Variants in MAGI2 observed in about 807,000 individuals in gnomAD.
The protein encoded by MAGI2 is membrane-associated guanylate kinase, WW and PDZ domain-containing protein 2.
A neutral mutation model predicts 133.3 loss-of-function variants in MAGI2; 35 were observed. That is an observed-to-expected ratio of 0.26 (90% confidence interval 0.20 to 0.35). MAGI2 has a LOEUF of 0.35. MAGI2 is among the 10% of genes least tolerant of loss of function. The probability of loss-of-function intolerance (pLI) is 1.00; values close to 1 mark genes in which losing one functional copy is unlikely to be tolerated. For missense variants in MAGI2, 1,636 were observed against 1,863.4 expected (o/e 0.88, Z 2.25); for synonymous variants, 729 against 710.6 (o/e 1.03, Z -0.41).
At position 78,208,135 on chromosome 7, in the gene MAGI2, C is replaced by CTTTTTTT. The variant is rs71085515; in HGVS notation, c.2048-6949_2048-6943dup. Among the ~76,000 whole-genome samples the CTTTTTTT allele has an allele frequency of 4.3e-5, 5 of 115,598 alleles. 1 individual carries two copies. Among genetic ancestry groups the CTTTTTTT allele is most frequent in the East Asian group, 5.7e-4 (2 of 3,512 alleles). The allele number at this position is 115,598 out of a possible 152,430, so 75.8% of individuals were successfully genotyped here. ...CATCCACCTCGGCCTCCCAAAGTGGCTTTTTTTTTTTTTTTTTTTTAATAT... is the reference window on the plus strand; with the variant it reads ...CATCCACCTCGGCCTCCCAAAGTGGCTTTTTTTTTTTTTTTTTTTTTTTTTTTAATAT... On this transcript the variant is annotated intron_variant, in intron 10 of 21. Transcript: ENST00000354212.
intron 6 of MAGI2, among the ~76,000 whole-genome samples, chr7:78,405,224 G>A (rs765086826): frequency 6.6e-6 from 1 of 152,002 alleles, no homozygotes; most frequent in Non-Finnish European, 1.5e-5. Flanking sequence ...TACTATTTCT[G>A]TCCTCAAATT....
intron 9 of MAGI2, among the ~76,000 whole-genome samples, chr7:78,317,090 A>G (rs565695056): frequency 3.4e-4 from 52 of 152,352 alleles, no homozygotes; most frequent in African/African-American, 1.2e-3. Context: ...TTGGAATTGA[A>G]TAGCGCTGCA....
At chr7:79,279,924 G>A (rs1835501217) in intron 1 of MAGI2, among the ~76,000 whole-genome samples, 1 of 152,126 alleles carries the variant, frequency 6.6e-6, no homozygotes, top group Admixed American at 6.6e-5. Flanking sequence ...TCAAATAAAT[G>A]CAACCAATAT....
In MAGI2 at chr7:78,529,667, G is replaced by GTTTTTTT. The variant is rs1563128653; in HGVS notation, c.539-8023_539-8022insAAAAAAA. On this transcript the variant is annotated intron_variant, in intron 3 of 21. Transcript: ENST00000354212. ...TTTTCTTTTCCTTGCTAAAGGAGAT[G>GTTTTTTT]GTTTTTTTTTTTTTTTTTTTTTTTT... 1.3e-3 allele frequency among the ~76,000 whole-genome samples: 75 copies of GTTTTTTT among 56,318 alleles called. 1 individual carries two copies. Among genetic ancestry groups the GTTTTTTT allele is most frequent in the African/African-American group, 4.5e-3 (70 of 15,430 alleles). 36.9% of individuals were successfully genotyped at this position (56,318 alleles called of 152,430 possible). A position where few individuals can be genotyped will look rare whatever the true frequency, so the allele number is the denominator to read the frequency against.
intron 1 of MAGI2, among the ~76,000 whole-genome samples, chr7:79,450,819 A>G (rs910900361): frequency 6.6e-6 from 1 of 152,184 alleles, no homozygotes; most frequent in Non-Finnish European, 1.5e-5. Flanking sequence ...ACCCACAATG[A>G]TGGGAACTTC....
At chr7:78,435,978 G>A (rs780986474) in intron 6 of MAGI2, among the ~76,000 whole-genome samples, 1 of 152,156 alleles carries the variant, frequency 6.6e-6, no homozygotes, top group Non-Finnish European at 1.5e-5. Flanking sequence ...GGGAAACAGG[G>A]AAATGCCATT....
intron 2 of MAGI2, among the ~76,000 whole-genome samples, chr7:78,977,588 T>C (rs1804404918): frequency 1.3e-5 from 2 of 151,710 alleles, no homozygotes; most frequent in African/African-American, 4.8e-5. Flanking sequence ...TAAAAAACTA[T>C]AAAATTTATT....
At chr7:78,449,363 GA>G (rs1414922658) in intron 6 of MAGI2, among the ~76,000 whole-genome samples, 1 of 151,914 alleles carries the variant, frequency 6.6e-6, no homozygotes, top group African/African-American at 2.4e-5. Flanking sequence ...TATTTTCTTT[GA>G]ATTGATCCAC....
intron 1 of MAGI2, among the ~76,000 whole-genome samples, chr7:79,016,922 C>T (rs1290892367): frequency 6.6e-6 from 1 of 152,252 alleles, no homozygotes. Flanking sequence ...CTGCCAGTGC[C>T]ACATCCCTAT....
At chr7:78,181,729 A>G (rs1263043057) in intron 13 of MAGI2, among the ~76,000 whole-genome samples, 2 of 152,224 alleles carry the variant, frequency 1.3e-5, no homozygotes, top group African/African-American at 4.8e-5. Context: ...CTGGGCTCAC[A>G]CCAATATTGC....
At chr7:79,286,449 C>A (rs78405961) in intron 1 of MAGI2, among the ~76,000 whole-genome samples, 3,215 of 152,026 alleles carry the variant, frequency 0.021, 128 homozygotes, top group African/African-American at 0.073. Flanking sequence ...CACTCCACGG[C>A]ACTTGCTCTC....
chr7:78,826,223 A>G lies in MAGI2; in HGVS notation c.418+180867T>C, dbSNP rs376263302. 1.3e-3 allele frequency among the ~76,000 whole-genome samples: 195 copies of G among 151,872 alleles called. 1 individual carries two copies. The highest frequency in any genetic ancestry group is 3.9e-3 in the East Asian group (20 of 5,124). On this transcript the variant is annotated intron_variant, in intron 2 of 21. Transcript: ENST00000354212. Reference sequence around the variant, plus strand: ...AAAAAAATTAGCCAGGTGTGGTGGCAGGCGCCTGTAGTCCCAGCTATTCAG... The same window carrying G: ...AAAAAAATTAGCCAGGTGTGGTGGCGGGCGCCTGTAGTCCCAGCTATTCAG...
Position 78,185,659 on chromosome 7 carries a change from G to A in MAGI2, c.2281C>T (p.Pro761Ser), listed in dbSNP as rs1166307816. 1.3e-6 allele frequency: 2 copies of A among 1,585,266 alleles called. No individual in the cohort carries two copies. Among genetic ancestry groups the A allele is most frequent in the Non-Finnish European group, 8.6e-7 (1 of 1,160,370 alleles). ...GAATCCATTCGAAAACTGGTCCTGGGTGGCACTTGTTCTGGATGGGAAAAT... is the reference window on the plus strand; with the variant it reads ...GAATCCATTCGAAAACTGGTCCTGGATGGCACTTGTTCTGGATGGGAAAAT... ...AIYESRQQVP[P>S]RTSFRMDSSG... The change falls in exon 13 of 22, where the codon CCC becomes TCC. Residue 761 changes from proline (P) to serine (S), a missense_variant. This residue lies in a region of MAGI2 where 920 missense variants were observed against 1,093.5 expected (regional missense o/e 0.84). Coordinates refer to ENST00000354212, the MANE Select transcript of MAGI2 (RefSeq NM_012301.4).
chr7:78,317,701 C>A (rs1009732950), intron 9 of MAGI2, among the ~76,000 whole-genome samples: 3 of 152,162 alleles, frequency 2.0e-5, no homozygotes, highest in Admixed American at 6.5e-5. Flanking sequence ...TGGGAGACAC[C>A]TCTCAGGAGG....
chr7:79,027,637 G>A (rs931874782), intron 1 of MAGI2, among the ~76,000 whole-genome samples: 3 of 152,116 alleles, frequency 2.0e-5, no homozygotes, highest in Non-Finnish European at 4.4e-5. Flanking sequence ...CTTAACAACA[G>A]TGTATTGTAC....
chr7:79,443,146 C>G (rs1848601558), intron 1 of MAGI2, among the ~76,000 whole-genome samples: 1 of 151,946 alleles, frequency 6.6e-6, no homozygotes, highest in Non-Finnish European at 1.5e-5. Context: ...ATGGTGGGTG[C>G]CTGTAGACCC....
chr7:78,290,586 A>G (rs1796602224), intron 9 of MAGI2, among the ~76,000 whole-genome samples: 1 of 152,212 alleles, frequency 6.6e-6, no homozygotes, highest in Admixed American at 6.5e-5. Flanking sequence ...CTCTGCACCA[A>G]GCAGACCTAA....
chr7:78,787,148 A>G (rs978290497), intron 2 of MAGI2, among the ~76,000 whole-genome samples: 9 of 151,968 alleles, frequency 5.9e-5, no homozygotes, highest in African/African-American at 9.7e-5. Flanking sequence ...GGGTTTCACC[A>G]TGTTGGCCAG....
chr7:78,188,308 T>C (rs561720688), intron 12 of MAGI2, among the ~76,000 whole-genome samples: 41 of 152,312 alleles, frequency 2.7e-4, no homozygotes, highest in African/African-American at 9.1e-4. Context: ...TAACCGGATT[T>C]ACTGATCTTC....
Sources: allele counts gnomAD v4.1 joint callset (sites outside exome capture counted in the v4.1 genomes callset), GRCh38; gene constraint gnomAD v4.1.1; regional missense constraint gnomAD v4.1.1; transcripts MANE v1.5; gene names NCBI Gene and HGNC (gene_info 2026-07-23, HGNC 2026-07-21).